The following RBM23 variants were observed in gnomAD, a reference collection of about 807,000 sequenced individuals.
RBM23 encodes RNA binding motif protein 23.
RBM23 carries 53 observed loss-of-function variants against 56.2 expected under a neutral mutation model. That is an observed-to-expected ratio of 0.94 (90% CI 0.76 to 1.19). The LOEUF is 1.19. Ranked by LOEUF, RBM23 falls within the 50% of genes most tolerant of loss-of-function variation. The probability of loss-of-function intolerance (pLI) is 0.00; values close to 1 mark genes in which losing one functional copy is unlikely to be tolerated. For missense variants in RBM23, 642 were observed against 590.3 expected (o/e 1.09, Z -0.91); for synonymous variants, 197 against 198.5 (o/e 0.99, Z 0.06).
Position 22,901,287 on chromosome 14 carries a change from A to G in RBM23, c.*443T>C, listed in dbSNP as rs1025473804. The G allele has an allele frequency of 1.1e-5, 2 of 177,662 alleles. No individual in the cohort carries two copies. The highest frequency in any genetic ancestry group is 2.4e-5 in the Non-Finnish European group (2 of 84,062). 11.0% of individuals were successfully genotyped at this position (177,662 alleles called of 1,614,324 possible). A position where few individuals can be genotyped will look rare whatever the true frequency, so the allele number is the denominator to read the frequency against. ...GAAAGAGCACCTTCAAGGTTCACCC[A>G]CAAACTCAGTCCTCTTGATTCAGAG... is the stretch of plus-strand genomic sequence containing the variant. On this transcript the variant is annotated 3_prime_UTR_variant, in exon 14 of 14. Transcript: ENST00000359890.
At chr14:22,905,566 T>A in intron 6 of RBM23, 40 bp downstream of exon 6, 3 of 1,601,486 alleles carry the variant, frequency 1.9e-6, no homozygotes, top group Non-Finnish European at 2.6e-6. Context: ...CTTTTATTCA[T>A]ACCTCACAAT....
chr14:22,896,168 A>ACAGT lies in RBM23; in HGVS notation c.*5558_*5561dup, dbSNP rs2040245609. On this transcript the variant is annotated 3_prime_UTR_variant, in exon 14 of 14. Coordinates refer to ENST00000359890, the MANE Select transcript of RBM23 (RefSeq NM_001077351.2). Reference sequence around the variant, plus strand: ...ATCCAGAGGAGTGAAAATACTGAGGACAGTAATGAGCCAAGTTCCAAACCT... The same window carrying ACAGT: ...ATCCAGAGGAGTGAAAATACTGAGGACAGTCAGTAATGAGCCAAGTTCCAAACCT... 1 of 152,208 alleles carries ACAGT rather than the reference A, an allele frequency of 6.6e-6. No homozygotes were observed. The highest frequency in any genetic ancestry group is 2.4e-5 in the African/African-American group (1 of 41,452). The allele number at this position is 152,208 out of a possible 1,614,324, so 9.4% of individuals were successfully genotyped here.
chr14:22,902,809 C>T (rs2040838784), intron 10 of RBM23: 1 of 937,004 alleles, frequency 1.1e-6, no homozygotes, highest in Non-Finnish European at 1.2e-6. Flanking sequence ...CTCTGTCACT[C>T]TGTCACTGAG....
Position 22,908,443 on chromosome 14 carries a change from C to T in RBM23, c.180-63G>A, listed in dbSNP as rs1442800867. 4.0e-6 allele frequency: 6 copies of T among 1,516,102 alleles called. No homozygotes were observed. In the South Asian group the frequency reaches 6.1e-5, roughly 15 times the overall value. 93.9% of individuals were successfully genotyped at this position (1,516,102 alleles called of 1,614,324 possible). ...ATTTTGAGAAAGAATCTCGCTCTGT[C>T]GTGCAGTGGTGCAATCTTGGCTCAC... On this transcript the variant is annotated intron_variant, in intron 3 of 13. Coordinates refer to ENST00000359890, the MANE Select transcript of RBM23 (RefSeq NM_001077351.2).
Position 22,901,720 on chromosome 14 carries a change from T to C in RBM23, c.*10A>G. 1.2e-6 allele frequency: 2 copies of C among 1,612,908 alleles called. No homozygotes were observed. Among genetic ancestry groups the C allele is most frequent in the Non-Finnish European group, 1.7e-6 (2 of 1,178,896 alleles). ...AGAGGCACAAGGAGGCAGTATACTG[T>C]GCCACTGATTTACCTGTGGAAAGAA... On this transcript the variant is annotated 3_prime_UTR_variant, in exon 14 of 14. Transcript: ENST00000359890.
intron 1 of RBM23, among the ~76,000 whole-genome samples, chr14:22,917,326 G>C (rs1370720460): frequency 6.6e-6 from 1 of 152,142 alleles, no homozygotes; most frequent in Non-Finnish European, 1.5e-5. Flanking sequence ...CTAATGCGGG[G>C]TAAGAACAAC....
chr14:22,911,002 T>A (rs1432257598), intron 2 of RBM23, among the ~76,000 whole-genome samples: 1 of 152,002 alleles, frequency 6.6e-6, no homozygotes, highest in Non-Finnish European at 1.5e-5. Flanking sequence ...AGAGCGAGAC[T>A]CTGTCTCAAA....
chr14:22,906,106 A>G, intron 5 of RBM23, 89 bp downstream of exon 5: 1 of 1,449,674 alleles, frequency 6.9e-7, no homozygotes, highest in Non-Finnish European at 9.4e-7. Context: ...AATGTGTTAT[A>G]ATAAGCACCC....
In RBM23 at chr14:22,896,407, C is replaced by A. The variant is rs542532837; in HGVS notation, c.*5323G>T. Reference sequence around the variant, plus strand: ...TGCTTATGCTCAGGAGTTGAGGAGGCGAATTCTTAGCACCACTAATTCTAA... The same window carrying A: ...TGCTTATGCTCAGGAGTTGAGGAGGAGAATTCTTAGCACCACTAATTCTAA... On this transcript the variant is annotated 3_prime_UTR_variant, in exon 14 of 14. Transcript: ENST00000359890. 1.3e-5 allele frequency: 2 copies of A among 152,108 alleles called. No individual in the cohort carries two copies. Among genetic ancestry groups the A allele is most frequent in the Non-Finnish European group, 2.9e-5 (2 of 68,034 alleles). The allele number at this position is 152,108 out of a possible 1,614,324, so 9.4% of individuals were successfully genotyped here.
chr14:22,913,333 G>A (rs1319511810), intron 1 of RBM23, among the ~76,000 whole-genome samples: 1 of 149,974 alleles, frequency 6.7e-6, no homozygotes, highest in East Asian at 2.0e-4. Context: ...AGAATGGCAT[G>A]AAGCTGGGAG....
Position 22,901,293 on chromosome 14 carries a change from T to G in RBM23, c.*437A>C, listed in dbSNP as rs2040456848. 5.5e-6 allele frequency: 1 copy of G among 181,272 alleles called. No individual in the cohort carries two copies. Among genetic ancestry groups the G allele is most frequent in the Non-Finnish European group, 1.2e-5 (1 of 86,374 alleles). The allele number at this position is 181,272 out of a possible 1,614,324, so 11.2% of individuals were successfully genotyped here. ...GCACCTTCAAGGTTCACCCACAAAC[T>G]CAGTCCTCTTGATTCAGAGGTCCTA... is the stretch of plus-strand genomic sequence containing the variant. On this transcript the variant is annotated 3_prime_UTR_variant, in exon 14 of 14. Coordinates refer to ENST00000359890, the MANE Select transcript of RBM23 (RefSeq NM_001077351.2).
At chr14:22,914,778 T>G (rs1488959444) in intron 1 of RBM23, among the ~76,000 whole-genome samples, 2 of 150,904 alleles carry the variant, frequency 1.3e-5, no homozygotes, top group Non-Finnish European at 3.0e-5. Flanking sequence ...AGGTCAGGAG[T>G]TCAATACCAG....
chr14:22,915,851 G>A (rs1264340903), intron 1 of RBM23, among the ~76,000 whole-genome samples: 2 of 152,196 alleles, frequency 1.3e-5, no homozygotes, highest in Non-Finnish European at 2.9e-5. Flanking sequence ...AACAAATGCT[G>A]CAGACAGGTA....
chr14:22,906,273 C>T lies in RBM23; in HGVS notation c.323G>A (p.Arg108Gln), dbSNP rs201485980. 10 of 1,614,234 alleles carry T rather than the reference C, an allele frequency of 6.2e-6. No individual in the cohort carries two copies. Among genetic ancestry groups the T allele is most frequent in the East Asian group, 4.5e-5 (2 of 44,888 alleles). ...CRHRSRSWDR[R>Q]HGSESRSRDH... Reference sequence around the variant, plus strand: ...CCGACTTCGCGACTCACTACCATGTCGACGATCCCAGCTACGGCTACGGTG... The same window carrying T: ...CCGACTTCGCGACTCACTACCATGTTGACGATCCCAGCTACGGCTACGGTG... Residue 108 changes from arginine (R) to glutamine (Q), a missense_variant, in exon 5 of 14, where the codon CGA (arginine) becomes CAA (glutamine). Coordinates refer to ENST00000359890, the MANE Select transcript of RBM23 (RefSeq NM_001077351.2).
Position 22,902,357 on chromosome 14 carries a change from C to T in RBM23, c.956G>A (p.Arg319Gln), listed in dbSNP as rs752107074. 29 of 1,613,364 alleles carry T rather than the reference C, an allele frequency of 1.8e-5. No homozygotes were observed. Among genetic ancestry groups the T allele is most frequent in the Middle Eastern group, 1.6e-4 (1 of 6,082 alleles). The change falls in exon 11 of 14, where the codon CGG (arginine) becomes CAG (glutamine). Residue 319 changes from arginine (R) to glutamine (Q), a missense_variant. Coordinates refer to ENST00000359890, the MANE Select transcript of RBM23 (RefSeq NM_001077351.2). ...ITFSDSECARRALEQLNGFEL... is the reference protein window; with the variant it reads ...ITFSDSECARQALEQLNGFEL... ...AAACCCATTCAACTGTTCCAGGGCC[C>T]GCCGGGCACACTCAGAATCAGAGAA...
rs192836548 is a variant in RBM23 at position 22,900,190 on chromosome 14, C to T, written c.*1540G>A. On this transcript the variant is annotated 3_prime_UTR_variant, in exon 14 of 14. Transcript: ENST00000359890. ...ACAGTAGACATCAGGTCAGGAGAAC[C>T]CTGCTGTTATACAAGACCCAAACCC... The T allele has an allele frequency of 6.4e-4, 98 of 152,218 alleles. No homozygotes were observed. The highest frequency in any genetic ancestry group is 2.3e-3 in the African/African-American group (95 of 41,516). 9.4% of individuals were successfully genotyped at this position (152,218 alleles called of 1,614,324 possible).
In RBM23 at chr14:22,906,295, G is replaced by A. The variant is rs372628717; in HGVS notation, c.301C>T (p.Arg101Cys). The change falls in exon 5 of 14, where the codon CGT becomes TGT. Residue 101 changes from arginine to cysteine, a missense_variant. Transcript: ENST00000359890. ...SRSPGRQCRH[R>C]SRSWDRRHGS... ...TGTCGACGATCCCAGCTACGGCTACGGTGACGACACTGCCGACCTGGACTT... is the reference window on the plus strand; with the variant it reads ...TGTCGACGATCCCAGCTACGGCTACAGTGACGACACTGCCGACCTGGACTT... The A allele has an allele frequency of 2.2e-5, 36 of 1,614,090 alleles. No individual in the cohort carries two copies. Among genetic ancestry groups the A allele is most frequent in the Admixed American group, 1.0e-4 (6 of 60,002 alleles).
At position 22,893,434 on chromosome 14, in the gene RBM23, A is replaced by G. The variant is rs1178188695; in HGVS notation, c.*8296T>C. 1 of 152,174 alleles carries G rather than the reference A, an allele frequency of 6.6e-6. No individual in the cohort carries two copies. The highest frequency in any genetic ancestry group is 1.5e-5 in the Non-Finnish European group (1 of 68,038). 9.4% of individuals were successfully genotyped at this position (152,174 alleles called of 1,614,324 possible). A position where few individuals can be genotyped will look rare whatever the true frequency, so the allele number is the denominator to read the frequency against. On this transcript the variant is annotated 3_prime_UTR_variant, in exon 14 of 14. Coordinates refer to ENST00000359890, the MANE Select transcript of RBM23 (RefSeq NM_001077351.2). ...CAAATAGCTTGCAATTAAGCTGGGG[A>G]GATGGATGAGGTGATACAGCACAAA...
intron 4 of RBM23, 72 bp from the exon 5 acceptor site, chr14:22,906,440 GGTC>G: frequency 6.5e-7 from 1 of 1,539,720 alleles, no homozygotes; most frequent in Non-Finnish European, 8.9e-7. Context: ...ATACAACAGT[GGTC>G]CCATAAGATT....
Sources: gnomAD v4.1 joint callset for allele counts (sites outside exome capture counted in the v4.1 genomes callset) on GRCh38, gnomAD v4.1.1 for gene constraint, MANE v1.5 for transcripts, NCBI Gene and HGNC (gene_info 2026-07-23, HGNC 2026-07-21) for gene names.